Variants in FRMD6 observed in about 807,000 individuals in gnomAD.
FRMD6 encodes the protein FERM domain-containing protein 6.
In FRMD6, 37 loss-of-function variants were observed where a neutral mutation model predicts 73.2. That is an observed-to-expected ratio of 0.51 (90% CI 0.39 to 0.66). The LOEUF (loss-of-function observed/expected upper bound fraction) is 0.66, where lower values mean the gene tolerates loss of function less well. Ranked by LOEUF, FRMD6 falls within the 30% of genes least tolerant of loss-of-function variation. The probability of loss-of-function intolerance (pLI) is 0.00; values close to 1 mark genes in which losing one functional copy is unlikely to be tolerated. For synonymous variants in FRMD6, 273 were observed against 282.2 expected (o/e 0.97, Z 0.33); for missense variants, 714 against 780.5 (o/e 0.91, Z 1.02).
intron 2 of FRMD6, among the ~76,000 whole-genome samples, chr14:51,577,787 A>G (rs938015544): frequency 3.9e-5 from 6 of 152,088 alleles, no homozygotes; most frequent in Non-Finnish European, 8.8e-5. Flanking sequence ...TAGCTCTGCC[A>G]TTTCTTTTCT....
chr14:51,501,461 A>G (rs1051685423), intron 1 of FRMD6, among the ~76,000 whole-genome samples: 2 of 152,130 alleles, frequency 1.3e-5, no homozygotes, highest in Non-Finnish European at 2.9e-5. Context: ...AAGTGAGAAC[A>G]TGCGGTGTTT....
the FRMD6 span, among the ~76,000 whole-genome samples, chr14:51,412,744 C>G: frequency 0.3 from 45,072 of 151,382 alleles, 7,135 homozygotes; most frequent in African/African-American, 0.4. Flanking sequence ...CCCAGCTACT[C>G]AGGAGGCTGA....
intron 2 of FRMD6, among the ~76,000 whole-genome samples, chr14:51,599,058 C>CTTTTT (rs59151771): frequency 1.8e-4 from 13 of 72,800 alleles, no homozygotes; most frequent in African/African-American, 2.2e-4. Context: ...CAGTATCTGT[C>CTTTTT]TTTTTTTTTT....
At chr14:51,462,262 TG>T in the FRMD6 span, among the ~76,000 whole-genome samples, 2 of 152,218 alleles carry the variant, frequency 1.3e-5, no homozygotes, top group African/African-American at 4.8e-5. Flanking sequence ...TTGCTGAGCC[TG>T]AGATCCTCTT....
At chr14:51,701,496 T>C (rs1332278401) in intron 4 of FRMD6, among the ~76,000 whole-genome samples, 4 of 146,348 alleles carry the variant, frequency 2.7e-5, no homozygotes, top group Admixed American at 2.1e-4. Flanking sequence ...ACTTAGTATA[T>C]ATAGAAAATG....
intron 2 of FRMD6, among the ~76,000 whole-genome samples, chr14:51,632,558 A>G (rs1891380623): frequency 1.3e-5 from 2 of 152,206 alleles, no homozygotes; most frequent in South Asian, 4.1e-4. Flanking sequence ...TGGCCCAGAA[A>G]AGGCATAGTT....
chr14:51,508,826 G>A (rs1884126614), intron 1 of FRMD6, among the ~76,000 whole-genome samples: 1 of 152,106 alleles, frequency 6.6e-6, no homozygotes, highest in African/African-American at 2.4e-5. Context: ...TCTCTGCCTT[G>A]ACTTGTCCTT....
intron 2 of FRMD6, among the ~76,000 whole-genome samples, chr14:51,615,492 C>G (rs1594606593): frequency 6.6e-6 from 1 of 152,136 alleles, no homozygotes; most frequent in Admixed American, 6.5e-5. Context: ...GGTAACTTCT[C>G]TAGCAGTTAT....
the FRMD6 span, among the ~76,000 whole-genome samples, chr14:51,476,860 A>C: frequency 6.6e-6 from 1 of 152,222 alleles, no homozygotes; most frequent in Non-Finnish European, 1.5e-5. Context: ...ATAAGGGCAA[A>C]TATACCAAAA....
At chr14:51,608,722 C>A (rs1177817201) in intron 2 of FRMD6, among the ~76,000 whole-genome samples, 1 of 152,156 alleles carries the variant, frequency 6.6e-6, no homozygotes, top group African/African-American at 2.4e-5. Context: ...CAACCCCCAG[C>A]CCAACTGAAG....
chr14:51,540,319 C>T (rs1027741141), intron 1 of FRMD6, among the ~76,000 whole-genome samples: 2 of 152,058 alleles, frequency 1.3e-5, no homozygotes, highest in African/African-American at 4.8e-5. Flanking sequence ...TGTTTGCATA[C>T]AGAGAAAGAA....
Position 51,586,128 on chromosome 14 carries a change from G to T in FRMD6, c.-147+15718G>T, listed in dbSNP as rs8021256. Among the ~76,000 whole-genome samples, 718 of 151,062 alleles carry T rather than the reference G, an allele frequency of 4.8e-3. 4 individuals are homozygous for T. The highest frequency in any genetic ancestry group is 0.016 in the African/African-American group (679 of 41,204). On this transcript the variant is annotated intron_variant, in intron 2 of 14. Transcript: ENST00000356218. ...CATGGGATTGCTGGTTTAAACGATA[G>T]GTCTGTTCTAAGTTTTTGAGAAATC...
chr14:51,455,196 A>AG, the FRMD6 span, among the ~76,000 whole-genome samples: 4 of 152,240 alleles, frequency 2.6e-5, no homozygotes, highest in African/African-American at 9.6e-5. Context: ...GGGAATCCCA[A>AG]GGGGGATATA....
chr14:51,640,316 A>T (rs1275600625), intron 2 of FRMD6, among the ~76,000 whole-genome samples: 1 of 152,206 alleles, frequency 6.6e-6, no homozygotes, highest in Non-Finnish European at 1.5e-5. Context: ...AACATTTCAG[A>T]AATATTTTAG....
In FRMD6 at chr14:51,608,474, C is replaced by T. The variant is rs556831701; in HGVS notation, c.-147+38064C>T. Among the ~76,000 whole-genome samples, 4 of 152,178 alleles carry T rather than the reference C, an allele frequency of 2.6e-5. No homozygotes were observed. The East Asian group carries it at 5.8e-4, about 22-fold the overall frequency. ...GGAAAGTCCTTAACACAATGCCTGG[C>T]ATGAAGTCATTCCTAAGGAAAGATG... is the stretch of plus-strand genomic sequence containing the variant. On this transcript the variant is annotated intron_variant, in intron 2 of 14. Coordinates refer to the FRMD6 transcript ENST00000356218.
the FRMD6 span, among the ~76,000 whole-genome samples, chr14:51,443,032 T>C: frequency 6.6e-6 from 1 of 152,192 alleles, no homozygotes; most frequent in Non-Finnish European, 1.5e-5. Context: ...TACTTGAGGT[T>C]GTGAAGGCAC....
intron 2 of FRMD6, among the ~76,000 whole-genome samples, chr14:51,640,270 G>A (rs959869037): frequency 1.3e-5 from 2 of 152,174 alleles, no homozygotes; most frequent in African/African-American, 4.8e-5. Context: ...TAAGGATAGA[G>A]TTACAATACC....
intron 1 of FRMD6, among the ~76,000 whole-genome samples, chr14:51,496,065 A>C (rs540292363): frequency 6.6e-6 from 1 of 152,306 alleles, no homozygotes; most frequent in Admixed American, 6.5e-5. Flanking sequence ...AAGATGTAGC[A>C]GCTTCCATCT....
intron 12 of FRMD6, among the ~76,000 whole-genome samples, chr14:51,723,385 T>C (rs1897737979): frequency 6.6e-6 from 1 of 152,208 alleles, no homozygotes; most frequent in Non-Finnish European, 1.5e-5. Context: ...TTTATAAGAC[T>C]GTTAATTTTA....
Sources: gnomAD v4.1 joint callset for allele counts (sites outside exome capture counted in the v4.1 genomes callset) on GRCh38, gnomAD v4.1.1 for gene constraint, MANE v1.5 for transcripts, NCBI Gene and HGNC (gene_info 2026-07-23, HGNC 2026-07-21) for gene names.